STXBP5: variants seen among roughly 807,000 people sequenced by gnomAD.
The protein encoded by STXBP5 is syntaxin binding protein 5, also known as syntaxin-binding protein 5.
A neutral mutation model predicts 152.4 loss-of-function variants in STXBP5; 50 were observed. The ratio of observed to expected loss-of-function variants is 0.33; its 90% CI spans 0.26 to 0.42. STXBP5 has a LOEUF of 0.42. STXBP5 is among the 10% of genes least tolerant of loss of function. The pLI is 1.00. For synonymous variants in STXBP5, 492 were observed against 494.7 expected, an observed-to-expected ratio of 0.99 and a Z score of 0.07; for missense variants, 1,167 against 1,388.6, an observed-to-expected ratio of 0.84 and a Z score of 2.54.
chr6:147,236,322 A>G (rs1484987747), intron 3 of STXBP5, among the ~76,000 whole-genome samples: 1 of 152,138 alleles, frequency 6.6e-6, no homozygotes, highest in African/African-American at 2.4e-5. Context: ...ATTTTTTTTA[A>G]TTAAAATGTA....
chr6:147,215,358 TAAAAA>T (rs996724377), intron 2 of STXBP5, among the ~76,000 whole-genome samples: 1 of 152,198 alleles, frequency 6.6e-6, no homozygotes, highest in African/African-American at 2.4e-5. Flanking sequence ...ATAAGAGTCT[TAAAAA>T]GAATCAGTAA....
At chr6:147,335,554 G>T (rs1783780798) in intron 19 of STXBP5, among the ~76,000 whole-genome samples, 1 of 152,074 alleles carries the variant, frequency 6.6e-6, no homozygotes, top group Non-Finnish European at 1.5e-5. Context: ...TTTATCCTGG[G>T]CCAGACTTTC....
intron 26 of STXBP5, among the ~76,000 whole-genome samples, chr6:147,382,081 AC>A (rs1481376000): frequency 6.6e-6 from 1 of 152,164 alleles, no homozygotes. Flanking sequence ...AAGCTGAGGA[AC>A]CAGGAAACTT....
intron 9 of STXBP5, among the ~76,000 whole-genome samples, chr6:147,296,770 GC>G (rs1421773285): frequency 6.6e-6 from 1 of 152,134 alleles, no homozygotes; most frequent in African/African-American, 2.4e-5. Context: ...AACAAAGTTA[GC>G]ATTTTTGGAA....
At chr6:147,252,758 C>G (rs753590047) in intron 4 of STXBP5, among the ~76,000 whole-genome samples, 5 of 152,000 alleles carry the variant, frequency 3.3e-5, no homozygotes, top group Non-Finnish European at 7.4e-5. Flanking sequence ...AAGTGCAACC[C>G]CAAGACACAC....
chr6:147,262,038 T>C (rs992308612), intron 5 of STXBP5, among the ~76,000 whole-genome samples: 6 of 151,966 alleles, frequency 3.9e-5, no homozygotes, highest in Admixed American at 2.0e-4. Context: ...TTTGACTAAA[T>C]TGAAGATTCT....
intron 16 of STXBP5, among the ~76,000 whole-genome samples, chr6:147,317,555 G>A (rs1582935445): frequency 6.6e-6 from 1 of 152,168 alleles, no homozygotes; most frequent in South Asian, 2.1e-4. Context: ...AATGGACAAG[G>A]CAGTGCACAC....
intron 8 of STXBP5, among the ~76,000 whole-genome samples, chr6:147,289,847 A>G (rs572518226): frequency 2.6e-5 from 4 of 152,276 alleles, no homozygotes; most frequent in East Asian, 1.9e-4. Flanking sequence ...CAGATATACT[A>G]TATGCCAAAC....
At position 147,204,478 on chromosome 6, in the gene STXBP5, C is replaced by T. The variant is rs958692129; in HGVS notation, c.-55C>T. 1.3e-6 allele frequency: 2 copies of T among 1,585,358 alleles called. No individual in the cohort carries two copies. The highest frequency in any genetic ancestry group is 3.5e-5 in the Admixed American group (2 of 56,486). ...CTTCGGCCCCGGGTGGTCTCCCCCGCCCGGGGACCCCCTGTGCCTCCCCTC... is the reference window on the plus strand; with the variant it reads ...CTTCGGCCCCGGGTGGTCTCCCCCGTCCGGGGACCCCCTGTGCCTCCCCTC... On this transcript the variant is annotated 5_prime_UTR_variant, in exon 1 of 28. Transcript: ENST00000321680. The surrounding 1 kb of genome is among the most constrained non-coding windows in gnomAD (Gnocchi z 4.3).
Position 147,204,661 on chromosome 6 carries a change from C to T in STXBP5, c.129C>T (p.Ser43=). 5 of 1,607,666 alleles carry T rather than the reference C, an allele frequency of 3.1e-6. No individual in the cohort carries two copies. The highest frequency in any genetic ancestry group is 4.2e-6 in the Non-Finnish European group (5 of 1,176,512). ...CGGAGATCCAGGAAACGCTCCAGTC[C>T]GAGCACTTTCAGCTCTGCAAGGTGA... ...REPEIQETLQ[S]EHFQLCKTVR... The change falls in exon 1 of 28, where the codon TCC becomes TCT. Residue 43 remains serine (S), a synonymous_variant. Transcript: ENST00000321680. The surrounding 1 kb of genome is among the most constrained non-coding windows in gnomAD (Gnocchi z 4.3).
intron 8 of STXBP5, among the ~76,000 whole-genome samples, chr6:147,285,336 G>T (rs762905004): frequency 1.3e-4 from 19 of 151,982 alleles, no homozygotes; most frequent in Non-Finnish European, 2.5e-4. Flanking sequence ...TAAAATCATG[G>T]GTAGTACCTT....
At chr6:147,367,111 G>A (rs1785325528) in intron 25 of STXBP5, among the ~76,000 whole-genome samples, 1 of 152,104 alleles carries the variant, frequency 6.6e-6, no homozygotes, top group Non-Finnish European at 1.5e-5. Context: ...AAACATGAAA[G>A]ATACAAAAAT....
intron 2 of STXBP5, among the ~76,000 whole-genome samples, chr6:147,210,016 G>A (rs1776768090): frequency 6.6e-6 from 1 of 152,184 alleles, no homozygotes; most frequent in Admixed American, 6.5e-5. Flanking sequence ...GATGCTGACA[G>A]GAAGAAAGCA....
At chr6:147,380,828 G>A (rs1343781843) in intron 26 of STXBP5, among the ~76,000 whole-genome samples, 1 of 152,026 alleles carries the variant, frequency 6.6e-6, no homozygotes, top group Non-Finnish European at 1.5e-5. Flanking sequence ...AATAATAGAA[G>A]ACAAATAGAC....
chr6:147,256,067 A>AAG (rs1218565469), intron 4 of STXBP5, among the ~76,000 whole-genome samples: 10 of 152,198 alleles, frequency 6.6e-5, no homozygotes, highest in African/African-American at 2.4e-4. Context: ...GGAAGGGTAC[A>AAG]GACTTACTGA....
At chr6:147,304,389 G>A (rs1208703852) in intron 9 of STXBP5, among the ~76,000 whole-genome samples, 1 of 152,164 alleles carries the variant, frequency 6.6e-6, no homozygotes, top group Non-Finnish European at 1.5e-5. Context: ...TGAGGTTTGG[G>A]AACCTCCACC....
At chr6:147,302,690 C>T (rs1490226436) in intron 9 of STXBP5, among the ~76,000 whole-genome samples, 1 of 152,118 alleles carries the variant, frequency 6.6e-6, no homozygotes, top group East Asian at 1.9e-4. Flanking sequence ...TGGCATGTAC[C>T]TGTAATCCCA....
chr6:147,279,131 T>C (rs1048743289), intron 8 of STXBP5, among the ~76,000 whole-genome samples: 2 of 152,236 alleles, frequency 1.3e-5, no homozygotes, highest in Non-Finnish European at 2.9e-5. Flanking sequence ...AGCAGATCTT[T>C]GTAGTGATAG....
chr6:147,369,473 C>A (rs1253567752), intron 25 of STXBP5, among the ~76,000 whole-genome samples: 1 of 151,902 alleles, frequency 6.6e-6, no homozygotes, highest in Non-Finnish European at 1.5e-5. Context: ...ATAACTTCAA[C>A]AAAACTTAAA....
Sources: gnomAD v4.1 joint callset for allele counts (sites outside exome capture counted in the v4.1 genomes callset) on GRCh38, gnomAD v4.1.1 for gene constraint, Gnocchi (gnomAD v3.1) non-coding constraint, MANE v1.5 for transcripts, NCBI Gene and HGNC (gene_info 2026-07-23, HGNC 2026-07-21) for gene names.